The following SLCO6A1 variants were observed in gnomAD, a reference collection of about 807,000 sequenced individuals.
SLCO6A1 encodes the protein cancer/testis antigen 48.
Under a neutral mutation model 72.7 loss-of-function variants are expected in SLCO6A1, and 65 were observed. The observed-to-expected ratio is 0.89, with a 90% CI of 0.73 to 1.10. The LOEUF (loss-of-function observed/expected upper bound fraction) is 1.10. Among genes scored for constraint, SLCO6A1 ranks in the 50% least tolerant of loss-of-function variants. The pLI, the probability that SLCO6A1 is intolerant of heterozygous loss-of-function variation, is 0.00. For missense variants in SLCO6A1, 874 were observed against 872.6 expected (o/e 1.00, Z -0.02); for synonymous variants, 314 against 298.2 (o/e 1.05, Z -0.55).
intron 7 of SLCO6A1, among the ~76,000 whole-genome samples, chr5:102,436,139 G>A (rs2112671254): frequency 6.6e-6 from 1 of 152,258 alleles, no homozygotes; most frequent in East Asian, 1.9e-4. Context: ...TAAGAATACT[G>A]TAATATTCTT....
At chr5:102,440,934 T>C (rs1030034580) in intron 6 of SLCO6A1, among the ~76,000 whole-genome samples, 1 of 152,228 alleles carries the variant, frequency 6.6e-6, no homozygotes, top group Non-Finnish European at 1.5e-5. Flanking sequence ...ATTGGGATTC[T>C]TTTTGTGTGT....
At chr5:102,490,928 A>G (rs1275049245) in intron 1 of SLCO6A1, among the ~76,000 whole-genome samples, 1 of 152,138 alleles carries the variant, frequency 6.6e-6, no homozygotes, top group Non-Finnish European at 1.5e-5. Context: ...GGGTTGCCAC[A>G]GCTGGCTCCG....
chr5:102,446,462 C>T (rs972240177), intron 6 of SLCO6A1, among the ~76,000 whole-genome samples: 3 of 152,086 alleles, frequency 2.0e-5, no homozygotes, highest in African/African-American at 7.2e-5. Context: ...AATCTGGGAG[C>T]CACTGGGAAG....
chr5:102,440,779 A>G (rs1476584529), intron 6 of SLCO6A1, among the ~76,000 whole-genome samples: 1 of 152,222 alleles, frequency 6.6e-6, no homozygotes, highest in African/African-American at 2.4e-5. Context: ...GCAGAAGTAG[A>G]TAACATAATC....
rs149149253 is a variant in SLCO6A1, at chr5:102,431,191, T to A, written c.1276+7426A>T. 3.1e-3 allele frequency among the ~76,000 whole-genome samples: 460 copies of A among 150,368 alleles called. 3 individuals are homozygous for A. The highest frequency in any genetic ancestry group is 5.9e-3 in the African/African-American group (242 of 41,336). ...TTATTTGGATCTTCTCTCTTATTAA[T>A]TTTTCAAAAAACCAACTCTTGGATT... On this transcript the variant is annotated intron_variant, in intron 7 of 13. Transcript: ENST00000506729.
chr5:102,498,761 C>G lies in SLCO6A1; in HGVS notation c.84G>C (p.Gln28His). 1 of 1,614,156 alleles carries G rather than the reference C, an allele frequency of 6.2e-7. No homozygotes were observed. Among genetic ancestry groups the G allele is most frequent in the Non-Finnish European group, 8.5e-7 (1 of 1,180,026 alleles). Residue 28 changes from glutamine to histidine, a missense_variant, in exon 1 of 14, where the codon CAG (glutamine) becomes CAC (histidine). Physicochemically the swap from Gln to His is conservative, Grantham distance 24 (BLOSUM62 0). Transcript: ENST00000506729. ...GVEPLEAARAQPAKDRRAKGT... is the reference protein window; with the variant it reads ...GVEPLEAARAHPAKDRRAKGT... ...CCTTGGCCCTCCTGTCCTTAGCAGG[C>G]TGGGCCCGCGCGGCCTCCAGCGGCT...
At chr5:102,423,485 G>A (rs1031102210) in intron 7 of SLCO6A1, among the ~76,000 whole-genome samples, 2 of 152,036 alleles carry the variant, frequency 1.3e-5, no homozygotes, top group South Asian at 4.2e-4. Flanking sequence ...CCTAGTCTCT[G>A]ATAAAACAGA....
intron 10 of SLCO6A1, among the ~76,000 whole-genome samples, chr5:102,395,357 A>C (rs1747011914): frequency 6.6e-6 from 1 of 152,148 alleles, no homozygotes; most frequent in South Asian, 2.1e-4. Context: ...ATGTCCCTAC[A>C]AAGGACATGA....
At position 102,491,914 on chromosome 5, in the gene SLCO6A1, G is replaced by A. The variant is rs540768522; in HGVS notation, c.358+6573C>T. On this transcript the variant is annotated intron_variant, in intron 1 of 13. Transcript: ENST00000506729. Reference sequence around the variant, plus strand: ...GCCAGCACGCTGTCACCTCTCAACAGTTCTGCAGGCTGTACAGAAAGCATG... The same window carrying A: ...GCCAGCACGCTGTCACCTCTCAACAATTCTGCAGGCTGTACAGAAAGCATG... Among the ~76,000 whole-genome samples, 419 of 152,378 alleles carry A rather than the reference G, an allele frequency of 2.7e-3. 2 individuals are homozygous for A. Among genetic ancestry groups the A allele is most frequent in the African/African-American group, 9.7e-3 (405 of 41,598 alleles).
rs546025648 is a variant in SLCO6A1 at position 102,475,737 on chromosome 5, G to C, written c.859C>G (p.Pro287Ala). The C allele has an allele frequency of 7.5e-6, 12 of 1,607,858 alleles. No individual in the cohort carries two copies. In the African/African-American group the frequency reaches 1.6e-4, roughly 21 times the overall value. The change falls in exon 4 of 14, where the codon CCA becomes GCA. Residue 287 changes from proline (P) to alanine (A), a missense_variant. By Grantham distance (27) the Pro-to-Ala change is conservative (BLOSUM62 -1). Coordinates refer to ENST00000506729, the MANE Select transcript of SLCO6A1 (RefSeq NM_173488.5). Reference sequence around the variant, plus strand: ...GTATTCTCAGGGACTTTAACTAGTGGTGCTCCTAGCACATAACCCAGAGCA... The same window carrying C: ...GTATTCTCAGGGACTTTAACTAGTGCTGCTCCTAGCACATAACCCAGAGCA... ...GYALGYVLGA[P>A]LVKVPENTTS...
intron 6 of SLCO6A1, among the ~76,000 whole-genome samples, chr5:102,448,751 C>T (rs1750254197): frequency 6.6e-6 from 1 of 152,066 alleles, no homozygotes; most frequent in Non-Finnish European, 1.5e-5. Flanking sequence ...TTACTTTAAG[C>T]CTATGGGTGT....
intron 12 of SLCO6A1, among the ~76,000 whole-genome samples, chr5:102,382,983 T>C (rs1387674123): frequency 6.7e-6 from 1 of 148,858 alleles, no homozygotes; most frequent in Admixed American, 6.7e-5. Context: ...ATATGAGAGA[T>C]ATATATATGT....
In SLCO6A1 at chr5:102,498,469, C is replaced by T. The variant is rs369620750; in HGVS notation, c.358+18G>A. The T allele has an allele frequency of 1.2e-6, 2 of 1,600,064 alleles. No individual in the cohort carries two copies. On this transcript the variant is annotated intron_variant, in intron 1 of 13. Coordinates refer to ENST00000506729, the MANE Select transcript of SLCO6A1 (RefSeq NM_173488.5). ...CCCAGCTGCCCTCGCCACAACAAACCGCCTCCTTCAGGCTCACCTTGACAT... is the reference window on the plus strand; with the variant it reads ...CCCAGCTGCCCTCGCCACAACAAACTGCCTCCTTCAGGCTCACCTTGACAT...
intron 13 of SLCO6A1, among the ~76,000 whole-genome samples, chr5:102,373,067 C>T (rs769204048): frequency 1.3e-5 from 2 of 151,794 alleles, no homozygotes; most frequent in African/African-American, 4.8e-5. Flanking sequence ...TGGGCTATCA[C>T]GTCAGTTAAA....
rs1007372367 is a variant in SLCO6A1, at chr5:102,438,758, G to C, written c.1135C>G (p.Leu379Val). Residue 379 changes from leucine (L) to valine (V), a missense_variant, in exon 7 of 14, where the codon CTG becomes GTG. Physicochemically the swap from Leu to Val is conservative, Grantham distance 32. Coordinates refer to ENST00000506729, the MANE Select transcript of SLCO6A1 (RefSeq NM_173488.5). Reference sequence around the variant, plus strand: ...CATATGAGCACTGGATTCTTCATCAGAATCTGAAATAAAAATAAGTTATAT... The same window carrying C: ...CATATGAGCACTGGATTCTTCATCACAATCTGAAATAAAAATAAGTTATAT... ...IKDLCAALWI[L>V]MKNPVLICLA... 2 of 1,526,918 alleles carry C rather than the reference G, an allele frequency of 1.3e-6. No individual in the cohort carries two copies. Among genetic ancestry groups the C allele is most frequent in the Non-Finnish European group, 8.7e-7 (1 of 1,144,992 alleles). 94.6% of individuals were successfully genotyped at this position (1,526,918 alleles called of 1,614,324 possible). A position where few individuals can be genotyped will look rare whatever the true frequency, so the allele number is the denominator to read the frequency against.
At chr5:102,384,463 T>C (rs1469955975) in intron 12 of SLCO6A1, among the ~76,000 whole-genome samples, 1 of 152,022 alleles carries the variant, frequency 6.6e-6, no homozygotes, top group Non-Finnish European at 1.5e-5. Flanking sequence ...TTTTTTGTAG[T>C]GGCAGTACGC....
chr5:102,444,666 T>C (rs1750014308), intron 6 of SLCO6A1, among the ~76,000 whole-genome samples: 1 of 152,188 alleles, frequency 6.6e-6, no homozygotes, highest in Non-Finnish European at 1.5e-5. Context: ...AAACAGTTTA[T>C]TTAGAGTCAC....
At chr5:102,432,246 T>C (rs1309856335) in intron 7 of SLCO6A1, among the ~76,000 whole-genome samples, 2 of 152,200 alleles carry the variant, frequency 1.3e-5, no homozygotes, top group Admixed American at 6.5e-5. Context: ...TCAAGGTTAC[T>C]ATTGCTATAT....
intron 9 of SLCO6A1, among the ~76,000 whole-genome samples, chr5:102,400,070 AT>A (rs1481862370): frequency 9.9e-5 from 15 of 151,996 alleles, no homozygotes; most frequent in South Asian, 4.1e-4. Context: ...ATTGAGGGAA[AT>A]TAAAAATAAT....
Sources: gnomAD v4.1 joint callset for allele counts (sites outside exome capture counted in the v4.1 genomes callset) on GRCh38, gnomAD v4.1.1 for gene constraint, MANE v1.5 for transcripts, NCBI Gene and HGNC (gene_info 2026-07-23, HGNC 2026-07-21) for gene names.